POLR3B: variants seen among roughly 807,000 people sequenced by gnomAD.
POLR3B encodes DNA-directed RNA polymerase III subunit RPC2.
A neutral mutation model predicts 147.4 loss-of-function variants in POLR3B; 96 were observed. That is an observed-to-expected ratio of 0.65 (90% CI 0.55 to 0.77). POLR3B has a LOEUF of 0.77. Ranked by LOEUF, POLR3B falls within the 30% of genes least tolerant of loss-of-function variation. The probability of loss-of-function intolerance (pLI) is 0.00; values close to 1 mark genes in which losing one functional copy is unlikely to be tolerated. For synonymous variants in POLR3B, 461 were observed against 485.9 expected, an observed-to-expected ratio of 0.95 and a Z score of 0.67; for missense variants, 1,036 against 1,413.5, an observed-to-expected ratio of 0.73 and a Z score of 4.28.
At chr12:106,497,183 T>TTTTTTTTTTTTTTTTTTTTTTTTGAG (rs1158613394) in intron 25 of POLR3B, among the ~76,000 whole-genome samples, 1 of 149,860 alleles carries the variant, frequency 6.7e-6, no homozygotes, top group African/African-American at 2.4e-5. Flanking sequence ...TAGCGTATTT[T>TTTTTTTTTTTTTTTTTTTTTTTTGAG]ATGTGTGGCC....
chr12:106,433,758 T>C lies in POLR3B; in HGVS notation c.1667T>C (p.Val556Ala). The C allele has an allele frequency of 1.9e-6, 3 of 1,613,678 alleles. No individual in the cohort carries two copies. The highest frequency in any genetic ancestry group is 2.5e-6 in the Non-Finnish European group (3 of 1,179,680). Reference sequence around the variant, plus strand: ...GTCATTCGAGACCACAAAAAGCTAGTGAATACATTTCGACTCATGAGAAGA... The same window carrying C: ...GTCATTCGAGACCACAAAAAGCTAGCGAATACATTTCGACTCATGAGAAGA... ...LGVIRDHKKL[V>A]NTFRLMRRAG... is the part of the protein sequence containing the mutation. The change falls in exon 16 of 28, where the codon GTG (valine) becomes GCG (alanine). Residue 556 changes from valine to alanine, a missense_variant. By Grantham distance (64) the Val-to-Ala change is moderately conservative. Coordinates refer to ENST00000228347, the MANE Select transcript of POLR3B (RefSeq NM_018082.6).
chr12:106,365,787 A>G (rs1317484151), intron 2 of POLR3B, among the ~76,000 whole-genome samples: 3 of 151,632 alleles, frequency 2.0e-5, no homozygotes, highest in Admixed American at 2.0e-4. Context: ...TGATGCAGGG[A>G]GGCGGACGTT....
intron 23 of POLR3B, among the ~76,000 whole-genome samples, chr12:106,481,551 T>C (rs2038268334): frequency 1.3e-5 from 2 of 152,218 alleles, no homozygotes; most frequent in Non-Finnish European, 2.9e-5. Context: ...CCTCTTCACA[T>C]CTCATCTGCA....
At chr12:106,452,414 A>G (rs547687311) in intron 19 of POLR3B, among the ~76,000 whole-genome samples, 21 of 152,300 alleles carry the variant, frequency 1.4e-4, no homozygotes, top group Non-Finnish European at 2.2e-4. Context: ...TGGGCCTGGT[A>G]GCACAATTTA....
intron 23 of POLR3B, among the ~76,000 whole-genome samples, chr12:106,465,893 T>C (rs537879040): frequency 2.8e-4 from 43 of 152,320 alleles, no homozygotes; most frequent in Admixed American, 2.0e-3. Flanking sequence ...TCCAAGTCTT[T>C]ACTATTGTGA....
intron 12 of POLR3B, among the ~76,000 whole-genome samples, chr12:106,412,780 A>G (rs2037245648): frequency 6.6e-6 from 1 of 152,206 alleles, no homozygotes; most frequent in Non-Finnish European, 1.5e-5. Context: ...GTCACTACAC[A>G]TTCCTACTTG....
chr12:106,431,073 G>A (rs1310011322), intron 14 of POLR3B, among the ~76,000 whole-genome samples: 5 of 152,172 alleles, frequency 3.3e-5, no homozygotes, highest in Non-Finnish European at 7.3e-5. Context: ...AATTCTGGAG[G>A]AAGGAAGGTT....
chr12:106,433,832 C>T lies in POLR3B; in HGVS notation c.1741C>T (p.Arg581Ter), dbSNP rs576127663. 8 of 1,613,266 alleles carry T rather than the reference C, an allele frequency of 5.0e-6. No homozygotes were observed. The highest frequency in any genetic ancestry group is 1.1e-5 in the South Asian group (1 of 91,056). ...FVSISTNLTD[R>*]CVYISSDGGR... is the part of the protein sequence containing the mutation. ...TTCCATCTCAACAAATCTTACAGAT[C>T]GATGTGTCTATATTTCTTCTGATGG... Residue 581 changes from arginine to a stop codon, truncating the protein, a stop_gained, in exon 16 of 28, where the codon CGA (arginine) becomes TGA (stop). Transcript: ENST00000228347. LOFTEE classifies it high-confidence loss of function.
chr12:106,374,506 C>A (rs2036651028), intron 6 of POLR3B, among the ~76,000 whole-genome samples: 1 of 151,620 alleles, frequency 6.6e-6, no homozygotes, highest in Admixed American at 6.6e-5. Flanking sequence ...CATGAGCCAC[C>A]ATTTGTGGCA....
intron 2 of POLR3B, 136 bp downstream of exon 2, chr12:106,364,038 T>A: frequency 1.4e-6 from 1 of 692,660 alleles, no homozygotes; most frequent in Non-Finnish European, 2.5e-6. Flanking sequence ...ATACAAGGAA[T>A]TATAAGGTAA....
intron 8 of POLR3B, among the ~76,000 whole-genome samples, chr12:106,379,771 A>G (rs2036734266): frequency 6.6e-6 from 1 of 152,248 alleles, no homozygotes; most frequent in African/African-American, 2.4e-5. Context: ...AGTTGGTCAG[A>G]AAGTAATTGT....
chr12:106,502,946 G>T (rs910448401), intron 26 of POLR3B, among the ~76,000 whole-genome samples: 1 of 152,078 alleles, frequency 6.6e-6, no homozygotes, highest in African/African-American at 2.4e-5. Flanking sequence ...GGTAACTTTT[G>T]TCTCTTCCAT....
chr12:106,482,504 A>G (rs968011336), intron 23 of POLR3B, among the ~76,000 whole-genome samples: 65 of 143,064 alleles, frequency 4.5e-4, no homozygotes, highest in African/African-American at 1.8e-3. Flanking sequence ...AGCAGGAGGA[A>G]GAGAGAGAAG....
intron 14 of POLR3B, among the ~76,000 whole-genome samples, chr12:106,431,600 A>G (rs2037511279): frequency 6.6e-6 from 1 of 152,224 alleles, no homozygotes. Flanking sequence ...AAAGTGATGA[A>G]ACTGGTACAA....
chr12:106,369,367 C>A lies in POLR3B; in HGVS notation c.303+17C>A. ...CCTCATGAGGTAATTATGAACCTTA[C>A]TTTAATTGGACTTGTTTGCTTTAAC... On this transcript the variant is annotated intron_variant, in intron 5 of 27. Transcript: ENST00000228347. The A allele has an allele frequency of 4.3e-6, 6 of 1,408,634 alleles. No individual in the cohort carries two copies. The highest frequency in any genetic ancestry group is 6.0e-6 in the Non-Finnish European group (6 of 992,318). The allele number at this position is 1,408,634 out of a possible 1,614,324, so 87.3% of individuals were successfully genotyped here.
In POLR3B at chr12:106,476,005, C is replaced by T. The variant is rs1482000689; in HGVS notation, c.2713+12385C>T. Among the ~76,000 whole-genome samples, 949 of 150,930 alleles carry T rather than the reference C, an allele frequency of 6.3e-3. 7 individuals are homozygous for T. Among genetic ancestry groups the T allele is most frequent in the African/African-American group, 0.021 (864 of 40,952 alleles). The stretch of plus-strand genomic sequence containing the variant: ...GGCATGATTTTGCAGCGGCTGGTAC[C>T]GGTTGTTCCTTTCCATGTTTAGCAC... On this transcript the variant is annotated intron_variant, in intron 23 of 27. Transcript: ENST00000228347.
intron 18 of POLR3B, among the ~76,000 whole-genome samples, chr12:106,444,170 C>T (rs1417507242): frequency 1.4e-4 from 21 of 152,090 alleles, no homozygotes; most frequent in Admixed American, 1.3e-3. Context: ...GGTGATACAA[C>T]CTACTCATTG....
At position 106,437,768 on chromosome 12, in the gene POLR3B, C is replaced by A. The variant is rs770284337; in HGVS notation, c.1944C>A (p.His648Gln). Residue 648 changes from histidine to glutamine, a missense_variant, in exon 18 of 28, where the codon CAC becomes CAA. Physicochemically the swap from His to Gln is conservative, Grantham distance 24. Coordinates refer to ENST00000228347, the MANE Select transcript of POLR3B (RefSeq NM_018082.6). ...ATTGTAACATTGCACTGTACGAACA[C>A]ACAATTAATAAGTAAGTAGGATCCA... ...ENDCNIALYEHTINKDTTHLE... is the reference protein window; with the variant it reads ...ENDCNIALYEQTINKDTTHLE... 14 of 1,564,774 alleles carry A rather than the reference C, an allele frequency of 8.9e-6. No homozygotes were observed. In the Admixed American group the frequency reaches 2.3e-4, roughly 26 times the overall value.
chr12:106,364,005 A>G (rs1454885878), intron 2 of POLR3B, 103 bp downstream of exon 2: 1 of 837,842 alleles, frequency 1.2e-6, no homozygotes, highest in Admixed American at 2.0e-5. Flanking sequence ...ACATTTTTTG[A>G]TTTTGTATAG....
Sources: allele counts gnomAD v4.1 joint callset (sites outside exome capture counted in the v4.1 genomes callset), GRCh38; gene constraint gnomAD v4.1.1; transcripts MANE v1.5; gene names NCBI Gene and HGNC (gene_info 2026-07-23, HGNC 2026-07-21).